Variants in ZNF398 observed in about 807,000 individuals in gnomAD.
The protein encoded by ZNF398 is zinc finger protein 398.
In ZNF398, 18 loss-of-function variants were observed where a neutral mutation model predicts 41.9. That is an observed-to-expected ratio of 0.43 (90% CI 0.30 to 0.64). The LOEUF (loss-of-function observed/expected upper bound fraction) is 0.64. Among genes scored for constraint, ZNF398 ranks in the 30% least tolerant of loss-of-function variants. The pLI is 0.14. For missense variants in ZNF398, 669 were observed against 822.8 expected, an observed-to-expected ratio of 0.81 and a Z score of 2.29; for synonymous variants, 260 against 308.8, an observed-to-expected ratio of 0.84 and a Z score of 1.66.
chr7:149,147,362 C>G (rs1826971857), upstream of ZNF398: 1 of 156,430 alleles, frequency 6.4e-6, no homozygotes, highest in Non-Finnish European at 1.4e-5. This position sits in a 1 kb window ranked among gnomAD's most constrained non-coding sequence, Gnocchi z 5.6. Flanking sequence ...ACGCGGGGGG[C>G]GCTGGCCGCA....
chr7:149,178,990 C>T lies in ZNF398; in HGVS notation c.1118C>T (p.Ala373Val). The T allele has an allele frequency of 6.2e-7, 1 of 1,614,198 alleles. No homozygotes were observed. Among genetic ancestry groups the T allele is most frequent in the Non-Finnish European group, 8.5e-7 (1 of 1,180,040 alleles). Reference sequence around the variant, plus strand: ...GCTACTGAGCACCCCTTACCCTGTGCCCAGTGCCCTAAGCACTTTACTCCA... The same window carrying T: ...GCTACTGAGCACCCCTTACCCTGTGTCCAGTGCCCTAAGCACTTTACTCCA... Reference protein sequence around the residue: ...SHATEHPLPCAQCPKHFTPQA... With the variant: ...SHATEHPLPCVQCPKHFTPQA... Residue 373 changes from alanine to valine, a missense_variant, in exon 6 of 6, where the codon GCC becomes GTC. Coordinates refer to ENST00000475153, the MANE Select transcript of ZNF398 (RefSeq NM_170686.3).
At chr7:149,132,635 G>C (rs1456858220) in intron 2 of ZNF398, among the ~76,000 whole-genome samples, 1 of 152,142 alleles carries the variant, frequency 6.6e-6, no homozygotes, top group Non-Finnish European at 1.5e-5. Context: ...GTTGGACCAG[G>C]TGGGACGTCT....
chr7:149,158,298 C>A (rs1045819275), intron 2 of ZNF398, among the ~76,000 whole-genome samples: 1 of 152,008 alleles, frequency 6.6e-6, no homozygotes, highest in African/African-American at 2.4e-5. Context: ...GTGGCTTTTA[C>A]AATAATTGCT....
chr7:149,140,471 G>A (rs1347401089), intron 2 of ZNF398, among the ~76,000 whole-genome samples: 2 of 152,138 alleles, frequency 1.3e-5, no homozygotes, highest in African/African-American at 2.4e-5. Flanking sequence ...TGTAATCTCT[G>A]CCTTCCAGGT....
intron 2 of ZNF398, among the ~76,000 whole-genome samples, chr7:149,160,410 G>A (rs558185373): frequency 6.6e-6 from 1 of 152,182 alleles, no homozygotes; most frequent in South Asian, 2.1e-4. Flanking sequence ...ACTAGGAAGT[G>A]GGATTCTCTT....
At chr7:149,152,227 T>A (rs1017126802) in intron 1 of ZNF398, among the ~76,000 whole-genome samples, 1 of 150,718 alleles carries the variant, frequency 6.6e-6, no homozygotes, top group South Asian at 2.1e-4. Context: ...AAATAAATAA[T>A]TAATTAATTA....
At chr7:149,132,516 C>A (rs938358129) in intron 2 of ZNF398, among the ~76,000 whole-genome samples, 1 of 151,870 alleles carries the variant, frequency 6.6e-6, no homozygotes. Context: ...TTCTCTCTTT[C>A]GAGAGAGAGA....
At chr7:149,153,727 T>C (rs1384846433) in intron 1 of ZNF398, among the ~76,000 whole-genome samples, 1 of 152,210 alleles carries the variant, frequency 6.6e-6, no homozygotes, top group Non-Finnish European at 1.5e-5. Flanking sequence ...ATTTCATTAA[T>C]TCACTGTCTT....
At position 149,179,213 on chromosome 7, in the gene ZNF398, A is replaced by G. The variant is rs748484898; in HGVS notation, c.1341A>G (p.Arg447=). 6.2e-7 allele frequency: 1 copy of G among 1,612,484 alleles called. No individual in the cohort carries two copies. Among genetic ancestry groups the G allele is most frequent in the Admixed American group, 1.7e-5 (1 of 59,938 alleles). The change falls in exon 6 of 6, where the codon AGA becomes AGG. Residue 447 remains arginine (R), a synonymous_variant. Transcript: ENST00000475153. This position sits in a 1 kb window ranked among gnomAD's most constrained non-coding sequence, Gnocchi z 6.1. The part of the protein sequence containing the change: ...ADQARLTSHR[R]AHASERPFRC... ...AGGCTCGACTCACCAGCCACCGGAG[A>G]GCTCATGCAAGCGAAAGGCCCTTCC...
At chr7:149,128,780 T>TAAAATAAAATAAAATAAAATAATATA (rs71192757) in intron 1 of ZNF398, 5 of 143,420 alleles carry the variant, frequency 3.5e-5, no homozygotes, top group South Asian at 2.2e-4. Flanking sequence ...TAAAATAAAA[T>TAAAATAAAATAAAATAAAATAATATA]TATATATATA....
At chr7:149,173,932 A>G (rs1280061941) in intron 4 of ZNF398, among the ~76,000 whole-genome samples, 2 of 151,796 alleles carry the variant, frequency 1.3e-5, no homozygotes, top group East Asian at 3.9e-4. Context: ...CAGCTAGGAA[A>G]TACAGGCATG....
In ZNF398 at chr7:149,160,302, G is replaced by A. The variant is rs1299610274; in HGVS notation, c.421-5856G>A. On this transcript the variant is annotated intron_variant, in intron 2 of 5. Coordinates refer to ENST00000475153, the MANE Select transcript of ZNF398 (RefSeq NM_170686.3). The stretch of plus-strand genomic sequence containing the variant: ...AAAAAGTAGCCAGATGTGGTGGTGG[G>A]GGCCTGTAGTCCCAGCTACTTGGGA... 2.2e-4 allele frequency among the ~76,000 whole-genome samples: 33 copies of A among 152,070 alleles called. 1 individual carries two copies. The highest frequency in any genetic ancestry group is 6.6e-5 in the Admixed American group (1 of 15,256).
chr7:149,180,886 A>G lies in ZNF398; in HGVS notation c.*1085A>G, dbSNP rs1369924760. ...TTCCTTGAGCCATCAGAGAGAGTGT[A>G]TGTTCACCCTATCTGGCTGTATCCC... On this transcript the variant is annotated 3_prime_UTR_variant, in exon 6 of 6. Coordinates refer to ENST00000475153, the MANE Select transcript of ZNF398 (RefSeq NM_170686.3). 1 of 152,234 alleles carries G rather than the reference A, an allele frequency of 6.6e-6. No individual in the cohort carries two copies. The highest frequency in any genetic ancestry group is 1.5e-5 in the Non-Finnish European group (1 of 68,048). The allele number at this position is 152,234 out of a possible 1,614,324, so 9.4% of individuals were successfully genotyped here.
At chr7:149,146,660 C>T (rs1826949444), upstream of ZNF398, among the ~76,000 whole-genome samples, 1 of 151,758 alleles carries the variant, frequency 6.6e-6, no homozygotes. Context: ...ACCAGCCTGG[C>T]CAACATGGTG....
intron 2 of ZNF398, among the ~76,000 whole-genome samples, chr7:149,132,509 T>C (rs1826618680): frequency 6.6e-6 from 1 of 152,056 alleles, no homozygotes; most frequent in Non-Finnish European, 1.5e-5. Context: ...AACAGCTTTC[T>C]CTCTTTCGAG....
Position 149,179,914 on chromosome 7 carries a change from A to G in ZNF398, c.*113A>G, listed in dbSNP as rs138383158. 3.1e-3 allele frequency: 3,168 copies of G among 1,038,124 alleles called. 9 individuals are homozygous for G. The highest frequency in any genetic ancestry group is 3.8e-3 in the Non-Finnish European group (2,792 of 738,740). 64.3% of individuals were successfully genotyped at this position (1,038,124 alleles called of 1,614,324 possible). On this transcript the variant is annotated 3_prime_UTR_variant, in exon 6 of 6. Coordinates refer to ENST00000475153, the MANE Select transcript of ZNF398 (RefSeq NM_170686.3). This position sits in a 1 kb window ranked among gnomAD's most constrained non-coding sequence, Gnocchi z 6.1. ...ACAGTAATTATTATCTGGCACATCA[A>G]TGAATTTGGGGTCCTATACACTTGA... is the stretch of plus-strand genomic sequence containing the variant.
At chr7:149,141,250 T>A (rs1201253610) in intron 2 of ZNF398, among the ~76,000 whole-genome samples, 2 of 151,470 alleles carry the variant, frequency 1.3e-5, no homozygotes, top group Non-Finnish European at 2.9e-5. Flanking sequence ...AAAGTTTAGA[T>A]TAAAATGGGG....
At chr7:149,168,317 A>T (rs1415805079) in intron 4 of ZNF398, among the ~76,000 whole-genome samples, 1 of 151,922 alleles carries the variant, frequency 6.6e-6, no homozygotes, top group African/African-American at 2.4e-5. Flanking sequence ...ACCTCAAGTG[A>T]TCTGCCTGCC....
At chr7:149,147,144 A>G (rs1244816137), upstream of ZNF398, 1 of 152,220 alleles carries the variant, frequency 6.6e-6, no homozygotes, top group Non-Finnish European at 1.5e-5. The surrounding 1 kb of genome is among the most constrained non-coding windows in gnomAD (Gnocchi z 5.6). Context: ...GCCCTTCAGC[A>G]GAAGCTGTTG....
Sources: gnomAD v4.1 joint callset for allele counts (sites outside exome capture counted in the v4.1 genomes callset) on GRCh38, gnomAD v4.1.1 for gene constraint, Gnocchi (gnomAD v3.1) non-coding constraint, MANE v1.5 for transcripts, NCBI Gene and HGNC (gene_info 2026-07-23, HGNC 2026-07-21) for gene names.